KRT6B: variants seen among roughly 807,000 people sequenced by gnomAD.
KRT6B encodes keratin 6B, also known as keratin, type II cytoskeletal 6B.
A neutral mutation model predicts 44.7 loss-of-function variants in KRT6B; 29 were observed. The observed-to-expected ratio is 0.65, with a 90% CI of 0.48 to 0.88. The LOEUF is 0.88. Ranked by LOEUF, KRT6B falls within the 40% of genes least tolerant of loss-of-function variation. KRT6B has a pLI of 0.00. For synonymous variants in KRT6B, 213 were observed against 296.0 expected, an observed-to-expected ratio of 0.72 and a Z score of 2.88; for missense variants, 600 against 724.0, an observed-to-expected ratio of 0.83 and a Z score of 1.97.
intron 7 of KRT6B, 60 bp from the exon 8 acceptor site, chr12:52,447,633 T>C: frequency 6.2e-7 from 1 of 1,613,896 alleles, no homozygotes. Flanking sequence ...GAAGCCTCAG[T>C]GGGTGGGAAA....
chr12:52,449,877 G>A, intron 3 of KRT6B, 24 bp from the exon 4 acceptor site: 1 of 1,609,572 alleles, frequency 6.2e-7, no homozygotes, highest in South Asian at 1.1e-5. Context: ...CAACAACCTG[G>A]AGTTGCCTGA....
Position 52,450,528 on chromosome 12 carries a change from C to T in KRT6B, c.633G>A (p.Glu211=). 2 of 1,614,266 alleles carry T rather than the reference C, an allele frequency of 1.2e-6. No individual in the cohort carries two copies. The highest frequency in any genetic ancestry group is 1.7e-6 in the Non-Finnish European group (2 of 1,180,050). ...QGTKTVRQNL[E]PLFEQYINNL... ...TGTTGATGTACTGCTCGAACAACGG[C>T]TCCAGGTTCTGCCTCACAGTCTTGG... is the stretch of plus-strand genomic sequence containing the variant. Residue 211 remains glutamate, a synonymous_variant, in exon 2 of 9, where the codon GAG becomes GAA. Transcript: ENST00000252252.
At chr12:52,448,791 T>C in intron 6 of KRT6B, 51 bp downstream of exon 6, 1 of 1,613,878 alleles carries the variant, frequency 6.2e-7, no homozygotes, top group Non-Finnish European at 8.5e-7. Context: ...TACTGCCTCA[T>C]GACCTAATAA....
At chr12:52,448,776 G>C (rs1427936732) in intron 6 of KRT6B, 66 bp downstream of exon 6, 1 of 1,612,902 alleles carries the variant, frequency 6.2e-7, no homozygotes, top group Admixed American at 1.7e-5. Flanking sequence ...TAAATGATGG[G>C]TGACTACTGC....
rs373947100 is a variant in KRT6B at position 52,449,059 on chromosome 12, G to A, written c.1078-92C>T. ...TTGTGTATCATGAATGTCATGAAGT[G>A]GACCTAATGGCTTCTCCCCAAGAAA... On this transcript the variant is annotated intron_variant, in intron 5 of 8. Transcript: ENST00000252252. The A allele has an allele frequency of 2.3e-5, 35 of 1,525,984 alleles. No homozygotes were observed. The African/African-American group carries it at 4.1e-4, about 18-fold the overall frequency. The allele number at this position is 1,525,984 out of a possible 1,614,324, so 94.5% of individuals were successfully genotyped here. A position where few individuals can be genotyped will look rare whatever the true frequency, so the allele number is the denominator to read the frequency against.
chr12:52,447,509 C>A lies in KRT6B; in HGVS notation c.1459+30G>T, dbSNP rs776607776. ...GAGCCCAGTCAGGAGAGTGCAAGGG[C>A]AGGGGAGGAAGGCAAACAAAGGTAC... On this transcript the variant is annotated intron_variant, in intron 8 of 8. Transcript: ENST00000252252. 5.0e-6 allele frequency: 8 copies of A among 1,613,912 alleles called. No individual in the cohort carries two copies. In the African/African-American group the frequency reaches 1.1e-4, roughly 22 times the overall value.
rs1474043132 is a variant in KRT6B, at chr12:52,450,711, A to T, written c.541-91T>A. 1.2e-5 allele frequency: 19 copies of T among 1,586,406 alleles called. No homozygotes were observed. In the East Asian group the frequency reaches 2.7e-4, roughly 22 times the overall value. ...TTTCCTGGAGGTCTGGGAGGTCCCC[A>T]TGGTGCTGGGCTACTACAGTGCATG... On this transcript the variant is annotated intron_variant, in intron 1 of 8. Coordinates refer to ENST00000252252, the MANE Select transcript of KRT6B (RefSeq NM_005555.4).
rs1373032542 is a variant in KRT6B at position 52,446,819 on chromosome 12, C to T, written c.*371G>A. 1.3e-5 allele frequency: 4 copies of T among 312,816 alleles called. No individual in the cohort carries two copies. Among genetic ancestry groups the T allele is most frequent in the Non-Finnish European group, 2.4e-5 (4 of 166,646 alleles). The allele number at this position is 312,816 out of a possible 1,614,324, so 19.4% of individuals were successfully genotyped here. On this transcript the variant is annotated 3_prime_UTR_variant, in exon 9 of 9. Transcript: ENST00000252252. ...GTCAGATGAGAACTCCTGAGTGTAG[C>T]TATAATGGGCAGGATGGTTAGCAAT...
chr12:52,450,818 G>C (rs1426707269), intron 1 of KRT6B, among the ~76,000 whole-genome samples, 198 bp from the exon 2 acceptor site: 2 of 152,228 alleles, frequency 1.3e-5, no homozygotes, highest in Non-Finnish European at 2.9e-5. Flanking sequence ...ATTGTCCCAC[G>C]GACCACTGAG....
chr12:52,448,829 C>T lies in KRT6B; in HGVS notation c.1203+13G>A, dbSNP rs1026981742. ...AAAATGATGCTTTTCTCCTCCATTG[C>T]CCCTCACCATACCTGCTTCTTGACG... On this transcript the variant is annotated intron_variant, in intron 6 of 8. Coordinates refer to ENST00000252252, the MANE Select transcript of KRT6B (RefSeq NM_005555.4). The T allele has an allele frequency of 6.2e-6, 10 of 1,614,048 alleles. 1 individual carries two copies. The highest frequency in any genetic ancestry group is 2.2e-5 in the South Asian group (2 of 91,086).
intron 1 of KRT6B, 70 bp downstream of exon 1, chr12:52,451,469 G>C (rs748053920): frequency 1.4e-5 from 23 of 1,612,780 alleles, no homozygotes; most frequent in Admixed American, 3.3e-5. Flanking sequence ...GGGTCTCTCC[G>C]GCAGGAAGGT....
At position 52,450,475 on chromosome 12, in the gene KRT6B, A is replaced by T; in HGVS notation, c.686T>A (p.Val229Glu). Reference sequence around the variant, plus strand: ...CGAGTCCAGACGACCCCGTTCCCCCACGATGTTGTCCAGCTGCCTCCTGAG... The same window carrying T: ...CGAGTCCAGACGACCCCGTTCCCCCTCGATGTTGTCCAGCTGCCTCCTGAG... ...NNLRRQLDNI[V>E]GERGRLDSEL... is the part of the protein sequence containing the mutation. The change falls in exon 2 of 9, where the codon GTG becomes GAG. Residue 229 changes from valine to glutamate, a missense_variant. By Grantham distance (121) the Val-to-Glu change is moderately radical. This residue lies in a region of KRT6B where 479 missense variants were observed against 454.2 expected (regional missense o/e 1.05). Transcript: ENST00000252252. 6.2e-7 allele frequency: 1 copy of T among 1,614,076 alleles called. No individual in the cohort carries two copies. The highest frequency in any genetic ancestry group is 1.1e-5 in the South Asian group (1 of 91,068).
In KRT6B at chr12:52,446,696, A is replaced by C. The variant is rs1455113539; in HGVS notation, c.*494T>G. The C allele has an allele frequency of 5.7e-6, 1 of 176,476 alleles. No individual in the cohort carries two copies. Among genetic ancestry groups the C allele is most frequent in the Non-Finnish European group, 1.2e-5 (1 of 81,730 alleles). The allele number at this position is 176,476 out of a possible 1,614,324, so 10.9% of individuals were successfully genotyped here. ...TATTCAACAGAACAAAAGAAGGCAA[A>C]GAGAGCAGAGAAAGCAGTGCAGGAA... On this transcript the variant is annotated 3_prime_UTR_variant, in exon 9 of 9. Transcript: ENST00000252252.
rs1197410693 is a variant in KRT6B at position 52,447,231 on chromosome 12, T to C, written c.1654A>G (p.Thr552Ala). The change falls in exon 9 of 9, where the codon ACC becomes GCC. Residue 552 changes from threonine to alanine, a missense_variant. Physicochemically the swap from Thr to Ala is moderately conservative, Grantham distance 58. This residue lies in a region of KRT6B where 479 missense variants were observed against 454.2 expected (regional missense o/e 1.05). Transcript: ENST00000252252. Reference sequence around the variant, plus strand: ...TTCCTGCTGGAGGAGGAGGTGGTGGTGTACTTGATGGTGGAACTGCCGCCT... The same window carrying C: ...TTCCTGCTGGAGGAGGAGGTGGTGGCGTACTTGATGGTGGAACTGCCGCCT... ...VGGGSSTIKY[T>A]TTSSSSRKSY... 3 of 1,613,922 alleles carry C rather than the reference T, an allele frequency of 1.9e-6. No homozygotes were observed. The highest frequency in any genetic ancestry group is 2.5e-6 in the Non-Finnish European group (3 of 1,179,918).
At chr12:52,448,064 G>T in intron 6 of KRT6B, 66 bp from the exon 7 acceptor site, 5 of 1,606,100 alleles carry the variant, frequency 3.1e-6, no homozygotes, top group South Asian at 1.1e-5. Flanking sequence ...AACCTGGCTG[G>T]TTCTTTTCCA....
rs141519629 is a variant in KRT6B at position 52,451,334 on chromosome 12, C to A, written c.540+205G>T. Among the ~76,000 whole-genome samples the A allele has an allele frequency of 8.9e-4, 130 of 145,984 alleles. 1 individual carries two copies. Among genetic ancestry groups the A allele is most frequent in the Non-Finnish European group, 1.1e-3 (77 of 67,094 alleles). On this transcript the variant is annotated intron_variant, in intron 1 of 8. Transcript: ENST00000252252. ...ATGAAAAGTTATGGCTCTCCCTAGG[C>A]AGGAGTGAGGGCCACTCCAGATATC...
In KRT6B at chr12:52,451,695, A is replaced by G. The variant is rs374587684; in HGVS notation, c.384T>C (p.Pro128=). 3.0e-3 allele frequency: 4,887 copies of G among 1,605,502 alleles called. 60 individuals are homozygous for G. In the African/African-American group the frequency reaches 0.053, roughly 18 times the overall value. The change falls in exon 1 of 9, where the codon CCT becomes CCC. Residue 128 remains proline, a synonymous_variant. Transcript: ENST00000252252. ...CTTGGATGCCTCCAGGGGGGCACAC[A>G]GGGAAGCCAGGGCCCCCAAAGCCAC... ...LAGGFGGPGF[P]VCPPGGIQEV...
rs373264955 is a variant in KRT6B, at chr12:52,447,334, A to T, written c.1551T>A (p.Tyr517Ter). Residue 517 changes from tyrosine to a stop codon, truncating the protein, a stop_gained, in exon 9 of 9, where the codon TAT becomes TAA. Coordinates refer to ENST00000252252, the MANE Select transcript of KRT6B (RefSeq NM_005555.4). LOFTEE classifies it low-confidence loss of function (END_TRUNC). ...LGLGGGSSYS[Y>*]GSGLGVGGGF... is the part of the protein sequence containing the mutation. ...CGCCTCCAACGCCAAGACCACTGCC[A>T]TAGGAGTAGCTGCTTCCTCCACCCA... The T allele has an allele frequency of 6.2e-7, 1 of 1,614,048 alleles. No individual in the cohort carries two copies.
intron 8 of KRT6B, 34 bp downstream of exon 8, chr12:52,447,505 A>G (rs770425113): frequency 6.2e-7 from 1 of 1,614,058 alleles, no homozygotes; most frequent in Admixed American, 1.7e-5. Flanking sequence ...GGAGAGTGCA[A>G]GGGCAGGGGA....
Sources: gnomAD v4.1 joint callset for allele counts (sites outside exome capture counted in the v4.1 genomes callset) on GRCh38, gnomAD v4.1.1 for gene constraint, gnomAD v4.1.1 regional missense constraint, MANE v1.5 for transcripts, NCBI Gene and HGNC (gene_info 2026-07-23, HGNC 2026-07-21) for gene names.